Variants in NIBAN1 observed in about 807,000 individuals in gnomAD.
NIBAN1 encodes protein Niban 1.
NIBAN1 carries 81 observed loss-of-function variants against 75.1 expected under a neutral mutation model. That is an observed-to-expected ratio of 1.08 (90% confidence interval 0.90 to 1.30). The LOEUF is 1.30. Ranked by LOEUF, NIBAN1 falls within the 50% of genes most tolerant of loss-of-function variation. The pLI is 0.00. For synonymous variants in NIBAN1, 436 were observed against 424.8 expected (o/e 1.03, Z -0.32); for missense variants, 1,133 against 1,128.1 (o/e 1.00, Z -0.06).
intron 5 of NIBAN1, among the ~76,000 whole-genome samples, chr1:184,844,212 T>C (rs1482607123): frequency 1.3e-5 from 2 of 152,196 alleles, no homozygotes; most frequent in African/African-American, 4.8e-5. Flanking sequence ...CAGAACACCT[T>C]AGTCTTACCA....
intron 3 of NIBAN1, among the ~76,000 whole-genome samples, chr1:184,890,933 T>C (rs1656652460): frequency 6.6e-6 from 1 of 152,208 alleles, no homozygotes; most frequent in Admixed American, 6.6e-5. Flanking sequence ...CATTTAAGTA[T>C]GTGCATCTGA....
intron 5 of NIBAN1, among the ~76,000 whole-genome samples, chr1:184,835,057 A>G (rs561486895): frequency 1.3e-5 from 2 of 152,234 alleles, no homozygotes; most frequent in African/African-American, 4.8e-5. Context: ...AGCTTTCTAC[A>G]TATGGCTAGC....
At chr1:184,802,552 A>C (rs900489465) in intron 12 of NIBAN1, among the ~76,000 whole-genome samples, 2 of 152,210 alleles carry the variant, frequency 1.3e-5, no homozygotes, top group Non-Finnish European at 2.9e-5. Flanking sequence ...CCCACAAATA[A>C]ATGCCAAATA....
At chr1:184,833,378 C>T (rs566289737) in intron 5 of NIBAN1, among the ~76,000 whole-genome samples, 1 of 151,380 alleles carries the variant, frequency 6.6e-6, no homozygotes, top group Non-Finnish European at 1.5e-5. Context: ...AGTGAGGATA[C>T]CACGAAGTCC....
intron 5 of NIBAN1, among the ~76,000 whole-genome samples, chr1:184,874,559 A>T (rs950588759): frequency 6.6e-6 from 1 of 152,104 alleles, no homozygotes; most frequent in African/African-American, 2.4e-5. Context: ...GAATCTATCT[A>T]GTAACATTAC....
Position 184,794,725 on chromosome 1 carries a change from T to C in NIBAN1, c.*252A>G. ...CCCTCCTCAGACATCCTCAGCTCCC[T>C]CTCACCCCAAGTATGCCATTGTCTT... On this transcript the variant is annotated 3_prime_UTR_variant, in exon 14 of 14. Coordinates refer to ENST00000367511, the MANE Select transcript of NIBAN1 (RefSeq NM_052966.4). The C allele has an allele frequency of 1.8e-6, 1 of 560,584 alleles. No homozygotes were observed. Among genetic ancestry groups the C allele is most frequent in the Non-Finnish European group, 3.2e-6 (1 of 314,386 alleles). The allele number at this position is 560,584 out of a possible 1,614,324, so 34.7% of individuals were successfully genotyped here. A position where few individuals can be genotyped will look rare whatever the true frequency, so the allele number is the denominator to read the frequency against.
At chr1:184,965,071 G>A (rs953974158) in intron 1 of NIBAN1, among the ~76,000 whole-genome samples, 6 of 152,146 alleles carry the variant, frequency 3.9e-5, no homozygotes, top group African/African-American at 1.2e-4. Context: ...ATGCCGAGGC[G>A]GGCGGATCAC....
intron 3 of NIBAN1, 115 bp downstream of exon 3, chr1:184,893,960 A>G: frequency 9.5e-7 from 1 of 1,053,326 alleles, no homozygotes; most frequent in Non-Finnish European, 1.3e-6. Flanking sequence ...TTTTTGTACC[A>G]GTACCATGCT....
rs1471463428 is a variant in NIBAN1, at chr1:184,836,616, G to A, written c.602-4654C>T. ...GAAGTCAAAGAAGGAACCAGAAGGA[G>A]AGCTCCAATGTAATAGTGGTGGAAG... is the stretch of plus-strand genomic sequence containing the variant. On this transcript the variant is annotated intron_variant, in intron 5 of 13. Coordinates refer to ENST00000367511, the MANE Select transcript of NIBAN1 (RefSeq NM_052966.4). 1.3e-5 allele frequency among the ~76,000 whole-genome samples: 2 copies of A among 152,196 alleles called. 1 individual carries two copies. The highest frequency in any genetic ancestry group is 1.3e-4 in the Admixed American group (2 of 15,282).
At chr1:184,866,958 C>T (rs1273908834) in intron 5 of NIBAN1, among the ~76,000 whole-genome samples, 1 of 152,128 alleles carries the variant, frequency 6.6e-6, no homozygotes, top group South Asian at 2.1e-4. Context: ...AAAATTTCTT[C>T]CCCCTTCTAT....
rs998078398 is a variant in NIBAN1 at position 184,899,328 on chromosome 1, T to C, written c.56-19A>G. On this transcript the variant is annotated intron_variant, in intron 1 of 13. Coordinates refer to ENST00000367511, the MANE Select transcript of NIBAN1 (RefSeq NM_052966.4). ...GTTTTCCCTAGAAAAATATGAAAATTAGAATTCTTAAGTATAGCACAGAAT... is the reference window on the plus strand; with the variant it reads ...GTTTTCCCTAGAAAAATATGAAAATCAGAATTCTTAAGTATAGCACAGAAT... 7 of 1,612,950 alleles carry C rather than the reference T, an allele frequency of 4.3e-6. No individual in the cohort carries two copies. The highest frequency in any genetic ancestry group is 5.9e-6 in the Non-Finnish European group (7 of 1,179,366).
intron 1 of NIBAN1, among the ~76,000 whole-genome samples, chr1:184,901,055 T>A (rs1008691970): frequency 1.3e-5 from 2 of 152,136 alleles, no homozygotes; most frequent in Non-Finnish European, 2.9e-5. Flanking sequence ...AAGCCTTGAA[T>A]CCATAGCAAC....
At chr1:184,807,634 C>T (rs955879012) in intron 10 of NIBAN1, among the ~76,000 whole-genome samples, 2 of 152,058 alleles carry the variant, frequency 1.3e-5, no homozygotes, top group African/African-American at 4.8e-5. Flanking sequence ...ACTAAAAATA[C>T]AAAAATTAGC....
At chr1:184,797,569 C>G in intron 13 of NIBAN1, among the ~76,000 whole-genome samples, 1 of 151,318 alleles carries the variant, frequency 6.6e-6, no homozygotes, top group East Asian at 2.0e-4. Flanking sequence ...CACCCTGCAC[C>G]TTTTTCTGTC....
rs1655011772 is a variant in NIBAN1, at chr1:184,831,955, C to T, written c.609G>A (p.Met203Ile). The T allele has an allele frequency of 6.2e-7, 1 of 1,612,366 alleles. No homozygotes were observed. The highest frequency in any genetic ancestry group is 1.7e-5 in the Admixed American group (1 of 59,984). The change falls in exon 6 of 14, where the codon ATG (methionine) becomes ATA (isoleucine). Residue 203 changes from methionine to isoleucine, a missense_variant. Transcript: ENST00000367511. The stretch of plus-strand genomic sequence containing the variant: ...CTTGGGCTTCAAATGTCATCTGCTT[C>T]ATGTAATCTAAAGAAAAGAAGAAAG... ...DCVRHLNHDY[M>I]KQMTFEAQAF...
intron 5 of NIBAN1, among the ~76,000 whole-genome samples, chr1:184,842,564 G>T (rs146688392): frequency 0.011 from 1,657 of 152,248 alleles, 69 homozygotes; most frequent in Admixed American, 0.062. Flanking sequence ...GACCAGCCTG[G>T]CCAACATGGT....
chr1:184,933,857 G>A (rs888134541), intron 1 of NIBAN1, among the ~76,000 whole-genome samples: 1 of 152,238 alleles, frequency 6.6e-6, no homozygotes, highest in Non-Finnish European at 1.5e-5. Flanking sequence ...TGTTTCATAA[G>A]AAAGTTGTGT....
chr1:184,946,499 T>A (rs767643704), intron 1 of NIBAN1, among the ~76,000 whole-genome samples: 1 of 152,168 alleles, frequency 6.6e-6, no homozygotes, highest in African/African-American at 2.4e-5. Context: ...TGAATGGAAA[T>A]GTATGCAGAT....
chr1:184,829,749 AGCCACTGC>A (rs1271261463), intron 6 of NIBAN1, among the ~76,000 whole-genome samples: 1 of 152,166 alleles, frequency 6.6e-6, no homozygotes, highest in African/African-American at 2.4e-5. Context: ...TACAAGCGTG[AGCCACTGC>A]GCCTGGCCTA....
Sources: allele counts gnomAD v4.1 joint callset (sites outside exome capture counted in the v4.1 genomes callset), GRCh38; gene constraint gnomAD v4.1.1; transcripts MANE v1.5; gene names NCBI Gene and HGNC (gene_info 2026-07-23, HGNC 2026-07-21).